Variants in TULP4 observed in about 807,000 individuals in gnomAD.
The protein encoded by TULP4 is tubby-related protein 4.
Under a neutral mutation model 129.0 loss-of-function variants are expected in TULP4, and 16 were observed. The observed-to-expected ratio is 0.12, with a 90% CI of 0.08 to 0.19. TULP4 has a LOEUF of 0.19. TULP4 is among the 10% of genes least tolerant of loss of function. The pLI is 1.00. For synonymous variants in TULP4, 998 were observed against 854.0 expected, an observed-to-expected ratio of 1.17 and a Z score of -2.94; for missense variants, 1,842 against 2,059.1, an observed-to-expected ratio of 0.89 and a Z score of 2.04.
chr6:158,395,375 G>C (rs1341013018), intron 1 of TULP4, among the ~76,000 whole-genome samples: 1 of 152,158 alleles, frequency 6.6e-6, no homozygotes, highest in East Asian at 1.9e-4. Flanking sequence ...AAGGTCGGGA[G>C]TTTGAGACCA....
chr6:158,258,469 A>G (rs1778289590), intron 1 of TULP4, among the ~76,000 whole-genome samples: 3 of 152,158 alleles, frequency 2.0e-5, no homozygotes, highest in Admixed American at 2.0e-4. Context: ...GGAAGAGCTG[A>G]TGAGTTGGTG....
chr6:158,436,001 G>C (rs1443926479), intron 3 of TULP4, among the ~76,000 whole-genome samples: 1 of 151,114 alleles, frequency 6.6e-6, no homozygotes, highest in Non-Finnish European at 1.5e-5. Context: ...TGCAACCTCC[G>C]CCTCCCGGGT....
chr6:158,471,377 A>C (rs1367022771), intron 6 of TULP4, among the ~76,000 whole-genome samples: 3 of 152,228 alleles, frequency 2.0e-5, no homozygotes, highest in African/African-American at 7.2e-5. Context: ...GGAACTGGAA[A>C]GGTGAGTGTA....
intron 6 of TULP4, among the ~76,000 whole-genome samples, chr6:158,469,489 G>C (rs1779625708): frequency 6.6e-6 from 1 of 151,974 alleles, no homozygotes; most frequent in Admixed American, 6.6e-5. Flanking sequence ...GGCCAAGGCT[G>C]GTCTTGATTT....
chr6:158,369,845 C>G (rs1441767154), intron 1 of TULP4, among the ~76,000 whole-genome samples: 1 of 152,076 alleles, frequency 6.6e-6, no homozygotes, highest in Non-Finnish European at 1.5e-5. Context: ...CTCTGCATCC[C>G]TTTTCCATCT....
At chr6:158,332,863 G>T (rs995526463) in intron 1 of TULP4, among the ~76,000 whole-genome samples, 1 of 152,060 alleles carries the variant, frequency 6.6e-6, no homozygotes, top group African/African-American at 2.4e-5. Flanking sequence ...ATGTTTAAAG[G>T]AATTCTATTG....
rs1250957334 is a variant in TULP4, at chr6:158,357,832, G to A, written c.252+43564G>A. On this transcript the variant is annotated intron_variant, in intron 1 of 13. Transcript: ENST00000367097. ...TCTCACCTCTTAATTTTTTTTCTTT[G>A]TAAAATTTAGGACCTTAGTTACGTG... Among the ~76,000 whole-genome samples the A allele has an allele frequency of 7.9e-5, 12 of 151,938 alleles. No homozygotes were observed. The South Asian group carries it at 2.5e-3, about 31-fold the overall frequency.
At chr6:158,457,977 G>C (rs1204609239) in intron 5 of TULP4, among the ~76,000 whole-genome samples, 1 of 151,990 alleles carries the variant, frequency 6.6e-6, no homozygotes, top group Non-Finnish European at 1.5e-5. Context: ...TAATTAATTA[G>C]TTGCTCTTTC....
At chr6:158,336,792 A>T (rs1368783144) in intron 1 of TULP4, among the ~76,000 whole-genome samples, 4 of 152,176 alleles carry the variant, frequency 2.6e-5, no homozygotes, top group Non-Finnish European at 4.4e-5. Context: ...TCATTTTTTT[A>T]AAACTTTGAT....
intron 1 of TULP4, among the ~76,000 whole-genome samples, chr6:158,305,608 G>T (rs566392726): frequency 6.6e-6 from 1 of 151,904 alleles, no homozygotes; most frequent in East Asian, 1.9e-4. Context: ...GGGAGGCTGA[G>T]GTGGGAGTAT....
At position 158,394,786 on chromosome 6, in the gene TULP4, CAAAAAAAAAAAAAA is replaced by C. The variant is rs71030166; in HGVS notation, c.253-18264_253-18251del. Among the ~76,000 whole-genome samples the C allele has an allele frequency of 8.3e-4, 38 of 46,016 alleles. 1 individual carries two copies. The highest frequency in any genetic ancestry group is 3.0e-3 in the African/African-American group (28 of 9,448). 30.2% of individuals were successfully genotyped at this position (46,016 alleles called of 152,430 possible). ...TGGGCAACTGAGCAAGGCTCTGTCT[CAAAAAAAAAAAAAA>C]AAAAAAAAAAAAAAGGAACTACCTG... On this transcript the variant is annotated intron_variant, in intron 1 of 13. Coordinates refer to ENST00000367097, the MANE Select transcript of TULP4 (RefSeq NM_020245.5).
chr6:158,486,350 A>G (rs1046081634), intron 8 of TULP4, among the ~76,000 whole-genome samples: 2 of 152,192 alleles, frequency 1.3e-5, no homozygotes, highest in African/African-American at 4.8e-5. Context: ...TAAGGAGATC[A>G]AGACCATCCT....
At chr6:158,232,648 T>G (rs1777619125) in intron 1 of TULP4, among the ~76,000 whole-genome samples, 1 of 152,024 alleles carries the variant, frequency 6.6e-6, no homozygotes, top group Non-Finnish European at 1.5e-5. Context: ...TCGGGAGGCG[T>G]TTGGCTTGGA....
At chr6:158,308,879 G>C (rs1242988451), upstream of TULP4, among the ~76,000 whole-genome samples, 2 of 140,710 alleles carry the variant, frequency 1.4e-5, no homozygotes, top group African/African-American at 5.3e-5. Context: ...CTGGCCGGGT[G>C]GGGGGCTGAC....
chr6:158,476,307 G>T (rs1288439323), intron 6 of TULP4, among the ~76,000 whole-genome samples: 2 of 152,054 alleles, frequency 1.3e-5, no homozygotes, highest in Non-Finnish European at 2.9e-5. Context: ...TTCCTGTGTT[G>T]GTGTTCTTGT....
intron 8 of TULP4, 129 bp from the exon 9 acceptor site, chr6:158,489,459 T>C (rs2274884): frequency 0.59 from 649,354 of 1,100,730 alleles, 194,770 homozygotes; most frequent in African/African-American, 0.77. Context: ...AGCTTCTTTT[T>C]GGTTTCAACC....
chr6:158,456,024 A>G (rs635920), intron 5 of TULP4, among the ~76,000 whole-genome samples: 63,505 of 151,986 alleles, frequency 0.42, 14,557 homozygotes, highest in African/African-American at 0.62. Flanking sequence ...CTTTCCATGG[A>G]AAGGAGGGAA....
At chr6:158,461,406 C>T (rs558716342) in intron 5 of TULP4, among the ~76,000 whole-genome samples, 157 bp from the exon 6 acceptor site, 12 of 133,844 alleles carry the variant, frequency 9.0e-5, no homozygotes, top group South Asian at 5.2e-4. Flanking sequence ...AGTGAAACTC[C>T]GTCTCAAAAA....
At chr6:158,348,219 C>T (rs1431938251) in intron 1 of TULP4, among the ~76,000 whole-genome samples, 2 of 105,262 alleles carry the variant, frequency 1.9e-5, no homozygotes, top group South Asian at 2.9e-4. Context: ...GGGTGTTTCT[C>T]GGAGAGGGGG....
Sources: gnomAD v4.1 joint callset for allele counts (sites outside exome capture counted in the v4.1 genomes callset) on GRCh38, gnomAD v4.1.1 for gene constraint, MANE v1.5 for transcripts, NCBI Gene and HGNC (gene_info 2026-07-23, HGNC 2026-07-21) for gene names.